GRM7: variants seen among roughly 807,000 people sequenced by gnomAD.
GRM7 encodes glutamate metabotropic receptor 7.
In GRM7, 35 loss-of-function variants were observed where a neutral mutation model predicts 84.5. The ratio of observed to expected loss-of-function variants is 0.41; its 90% CI spans 0.32 to 0.55. GRM7 has a LOEUF of 0.55. Ranked by LOEUF, GRM7 falls within the 20% of genes least tolerant of loss-of-function variation. The probability of loss-of-function intolerance (pLI) is 0.19; values close to 1 mark genes in which losing one functional copy is unlikely to be tolerated. For synonymous variants in GRM7, 487 were observed against 455.1 expected, an observed-to-expected ratio of 1.07 and a Z score of -0.89; for missense variants, 1,003 against 1,194.6, an observed-to-expected ratio of 0.84 and a Z score of 2.36.
chr3:7,661,706 A>G (rs1054003547), intron 8 of GRM7, among the ~76,000 whole-genome samples: 5 of 140,820 alleles, frequency 3.6e-5, no homozygotes, highest in African/African-American at 1.3e-4. Context: ...AGGCAGAAGA[A>G]TGGGGTGAAC....
chr3:7,689,187 C>A (rs1239175031), intron 9 of GRM7, among the ~76,000 whole-genome samples: 4 of 152,108 alleles, frequency 2.6e-5, no homozygotes, highest in African/African-American at 9.7e-5. Context: ...ATAATTAAGC[C>A]TTGCGAGAAT....
intron 8 of GRM7, among the ~76,000 whole-genome samples, chr3:7,658,473 C>T (rs1019572258): frequency 3.9e-5 from 6 of 152,180 alleles, no homozygotes; most frequent in African/African-American, 1.4e-4. Flanking sequence ...CTTTCCCACT[C>T]ATGCAATCTC....
chr3:7,296,094 A>G (rs961647147), intron 2 of GRM7, among the ~76,000 whole-genome samples: 3 of 151,890 alleles, frequency 2.0e-5, no homozygotes, highest in Non-Finnish European at 2.9e-5. Flanking sequence ...ATAAATATAT[A>G]TATATAGAGA....
At chr3:7,029,803 C>G (rs1255395756) in intron 1 of GRM7, among the ~76,000 whole-genome samples, 1 of 152,098 alleles carries the variant, frequency 6.6e-6, no homozygotes, top group African/African-American at 2.4e-5. Context: ...GTTACGCAAT[C>G]GTGCTAACAT....
At chr3:7,639,950 A>G (rs1698287093) in intron 8 of GRM7, among the ~76,000 whole-genome samples, 1 of 152,196 alleles carries the variant, frequency 6.6e-6, no homozygotes, top group Non-Finnish European at 1.5e-5. Context: ...GAAATCATTC[A>G]GTATATACTC....
At chr3:6,974,644 C>G (rs765129275) in intron 1 of GRM7, among the ~76,000 whole-genome samples, 1 of 151,958 alleles carries the variant, frequency 6.6e-6, no homozygotes, top group Non-Finnish European at 1.5e-5. Flanking sequence ...AGGAAGAGGT[C>G]GTGATCAACT....
At chr3:7,459,817 T>C (rs1323627273) in intron 6 of GRM7, among the ~76,000 whole-genome samples, 1 of 152,060 alleles carries the variant, frequency 6.6e-6, no homozygotes, top group Non-Finnish European at 1.5e-5. Context: ...GAGTTGGATT[T>C]GTTAACTTGA....
At chr3:7,648,457 G>A (rs933047244) in intron 8 of GRM7, among the ~76,000 whole-genome samples, 3 of 151,772 alleles carry the variant, frequency 2.0e-5, no homozygotes, top group African/African-American at 7.3e-5. Flanking sequence ...GACCAGCCTG[G>A]CCAACATAGT....
intron 9 of GRM7, among the ~76,000 whole-genome samples, chr3:7,701,451 C>A (rs1303441857): frequency 6.6e-6 from 1 of 152,046 alleles, no homozygotes; most frequent in Non-Finnish European, 1.5e-5. Context: ...CAGGCGCACA[C>A]CACCACACCC....
intron 5 of GRM7, among the ~76,000 whole-genome samples, chr3:7,443,575 A>C (rs115236892): frequency 6.6e-6 from 1 of 152,098 alleles, no homozygotes; most frequent in Non-Finnish European, 1.5e-5. Context: ...ACTGAATTTT[A>C]CTTTTGATTG....
intron 7 of GRM7, among the ~76,000 whole-genome samples, chr3:7,491,777 A>G (rs1051639907): frequency 2.0e-5 from 3 of 152,226 alleles, no homozygotes; most frequent in African/African-American, 7.2e-5. Flanking sequence ...GAAGGATTAA[A>G]TAAGATAAAG....
At chr3:7,161,126 C>G (rs1694609684) in intron 2 of GRM7, among the ~76,000 whole-genome samples, 1 of 152,092 alleles carries the variant, frequency 6.6e-6, no homozygotes, top group African/African-American at 2.4e-5. Context: ...CAGCCTTAGG[C>G]TGGTAACTCC....
At chr3:7,043,967 G>A (rs933917026) in intron 1 of GRM7, among the ~76,000 whole-genome samples, 7 of 152,096 alleles carry the variant, frequency 4.6e-5, no homozygotes, top group East Asian at 1.9e-4. Flanking sequence ...GGCATGTACC[G>A]CCCCCCTGGT....
In GRM7 at chr3:7,703,750, A is replaced by G. The variant is rs1701303653; in HGVS notation, c.2698+23455A>G. On this transcript the variant is annotated intron_variant, in intron 9 of 9. Coordinates refer to ENST00000357716, the MANE Select transcript of GRM7 (RefSeq NM_000844.4). ...CAATTATCCTTGAGCTAGTTGTTAT[A>G]ATATACATTTGATACCTGCAGAAAT... Among the ~76,000 whole-genome samples, 4 of 152,332 alleles carry G rather than the reference A, an allele frequency of 2.6e-5. 1 individual carries two copies. Among genetic ancestry groups the G allele is most frequent in the Admixed American group, 2.6e-4 (4 of 15,288 alleles).
chr3:7,204,720 G>C (rs1261776228), intron 2 of GRM7, among the ~76,000 whole-genome samples: 1 of 152,208 alleles, frequency 6.6e-6, no homozygotes, highest in Non-Finnish European at 1.5e-5. Context: ...CATTGGGACT[G>C]CCAGACAGAC....
chr3:7,287,986 T>A (rs960875110), intron 2 of GRM7, among the ~76,000 whole-genome samples: 2 of 152,184 alleles, frequency 1.3e-5, no homozygotes, highest in Non-Finnish European at 2.9e-5. Context: ...TGATATCTAA[T>A]GTGGCAAGCT....
intron 1 of GRM7, among the ~76,000 whole-genome samples, chr3:6,914,765 A>G (rs976823217): frequency 7.2e-5 from 11 of 151,936 alleles, no homozygotes; most frequent in Admixed American, 7.2e-4. Flanking sequence ...TTTATTAACA[A>G]TTTTTTTCAG....
intron 1 of GRM7, 37 bp from the exon 2 acceptor site, chr3:7,146,415 C>T (rs41276491): frequency 8.7e-5 from 124 of 1,419,110 alleles, no homozygotes; most frequent in African/African-American, 2.1e-4. Context: ...TACATCCTGA[C>T]GGTGCACTCT....
chr3:7,673,254 C>T (rs1699995134), intron 8 of GRM7, among the ~76,000 whole-genome samples: 3 of 152,152 alleles, frequency 2.0e-5, no homozygotes. Context: ...CAAATAATAG[C>T]TTTTCTTGAA....
Sources: gnomAD v4.1 joint callset for allele counts (sites outside exome capture counted in the v4.1 genomes callset) on GRCh38, gnomAD v4.1.1 for gene constraint, MANE v1.5 for transcripts, NCBI Gene and HGNC (gene_info 2026-07-23, HGNC 2026-07-21) for gene names.